SRP54: variants seen among roughly 807,000 people sequenced by gnomAD.
SRP54 encodes signal recognition particle 54, also known as signal recognition particle subunit SRP54.
A neutral mutation model predicts 64.8 loss-of-function variants in SRP54; 10 were observed. The ratio of observed to expected loss-of-function variants is 0.15; its 90% CI spans 0.10 to 0.26. The LOEUF (loss-of-function observed/expected upper bound fraction) is 0.26, where lower values mean the gene tolerates loss of function less well. SRP54 is among the 10% of genes least tolerant of loss of function. The pLI, the probability that SRP54 is intolerant of heterozygous loss-of-function variation, is 1.00. For missense variants in SRP54, 325 were observed against 613.7 expected, an observed-to-expected ratio of 0.53 and a Z score of 4.97; for synonymous variants, 193 against 185.6, an observed-to-expected ratio of 1.04 and a Z score of -0.32.
chr14:34,997,624 AC>A (rs1377937359), intron 2 of SRP54, among the ~76,000 whole-genome samples: 2 of 152,336 alleles, frequency 1.3e-5, no homozygotes, highest in East Asian at 1.9e-4. Context: ...TAGAAAACTT[AC>A]GTAGAATTCT....
At chr14:34,989,664 A>G (rs1208615512) in intron 1 of SRP54, among the ~76,000 whole-genome samples, 2 of 152,158 alleles carry the variant, frequency 1.3e-5, no homozygotes, top group Non-Finnish European at 1.5e-5. Flanking sequence ...AATTGCCACT[A>G]AATTTTAAAG....
At chr14:35,008,559 CAG>C (rs931863321) in intron 5 of SRP54, 66 bp from the exon 6 acceptor site, 213 of 1,075,718 alleles carry the variant, frequency 2.0e-4, no homozygotes, top group Non-Finnish European at 2.5e-4. Context: ...TAAGGAAAAA[CAG>C]AAAAAATTAT....
chr14:35,022,888 G>A, intron 13 of SRP54, 22 bp from the exon 14 acceptor site: 2 of 1,576,580 alleles, frequency 1.3e-6, no homozygotes, highest in African/African-American at 2.7e-5. Flanking sequence ...TTGTGTGTGA[G>A]AGTAACTGAC....
At chr14:35,019,518 A>G (rs1325720106) in intron 13 of SRP54, 1 of 153,416 alleles carries the variant, frequency 6.5e-6, no homozygotes, top group Admixed American at 6.5e-5. Flanking sequence ...CCCTGCCTCT[A>G]TGAAAAAAAA....
At position 35,013,412 on chromosome 14, in the gene SRP54, G is replaced by T. The variant is rs1397184907; in HGVS notation, c.703G>T (p.Ala235Ser). The T allele has an allele frequency of 4.3e-6, 7 of 1,614,186 alleles. No homozygotes were observed. Among genetic ancestry groups the T allele is most frequent in the Non-Finnish European group, 5.9e-6 (7 of 1,180,012 alleles). Residue 235 changes from alanine to serine, a missense_variant, in exon 9 of 16, where the codon GCT becomes TCT. By Grantham distance (99) the Ala-to-Ser change is moderately conservative. Coordinates refer to ENST00000216774, the MANE Select transcript of SRP54 (RefSeq NM_003136.4). ...GCAGGCTTGTGAAGCCCAGGCTAAG[G>T]CTTTTAAAGATAAAGTAGATGTAGC... ...IGQACEAQAK[A>S]FKDKVDVASV...
At chr14:35,016,023 TTA>T (rs2044432693) in intron 11 of SRP54, among the ~76,000 whole-genome samples, 1 of 152,210 alleles carries the variant, frequency 6.6e-6, no homozygotes, top group Non-Finnish European at 1.5e-5. Flanking sequence ...TTGGGTGTCA[TTA>T]TTATTTCTTC....
At chr14:34,997,648 G>T (rs556684322) in intron 2 of SRP54, among the ~76,000 whole-genome samples, 1 of 152,278 alleles carries the variant, frequency 6.6e-6, no homozygotes, top group African/African-American at 2.4e-5. Context: ...CATGGAATTT[G>T]ATCTCAATAC....
At chr14:35,006,297 G>T (rs2044256781) in intron 4 of SRP54, among the ~76,000 whole-genome samples, 1 of 152,078 alleles carries the variant, frequency 6.6e-6, no homozygotes, top group Non-Finnish European at 1.5e-5. Context: ...GTTTGACCTG[G>T]AAAATCTTTC....
chr14:35,002,076 C>T (rs540103266), intron 4 of SRP54, among the ~76,000 whole-genome samples: 8 of 151,936 alleles, frequency 5.3e-5, no homozygotes, highest in Non-Finnish European at 7.4e-5. Context: ...TGGTGCAGGC[C>T]GGGTGCAGTG....
At chr14:34,990,070 C>T (rs187646231) in intron 1 of SRP54, among the ~76,000 whole-genome samples, 1 of 152,180 alleles carries the variant, frequency 6.6e-6, no homozygotes, top group African/African-American at 2.4e-5. Context: ...GATACTTGGC[C>T]CTGTGATTGC....
intron 1 of SRP54, among the ~76,000 whole-genome samples, chr14:34,995,399 A>G (rs1391998774): frequency 6.6e-6 from 1 of 152,042 alleles, no homozygotes; most frequent in Non-Finnish European, 1.5e-5. Context: ...CTTGAGACCC[A>G]CAAAGAACCA....
rs2044394435 is a variant in SRP54, at chr14:35,013,882, C to T, written c.866C>T (p.Pro289Leu). The change falls in exon 10 of 16, where the codon CCT becomes CTT. Residue 289 changes from proline to leucine, a missense_variant. Around this residue, in one of 3 missense-constraint regions of SRP54, gnomAD observed 146 missense variants for 337.4 expected, o/e 0.43. Transcript: ENST00000216774. The part of the protein sequence containing the change: ...IDDFEPFKTQ[P>L]FISKLLGMGD... ...GACTTTGAACCTTTCAAAACACAGC[C>T]TTTTATTAGCAAACTTCTTGGTATG... The T allele has an allele frequency of 6.2e-7, 1 of 1,613,166 alleles. No homozygotes were observed. Among genetic ancestry groups the T allele is most frequent in the Non-Finnish European group, 8.5e-7 (1 of 1,179,328 alleles).
intron 1 of SRP54, among the ~76,000 whole-genome samples, chr14:34,984,663 A>C (rs1322341737): frequency 6.6e-6 from 1 of 152,036 alleles, no homozygotes; most frequent in Non-Finnish European, 1.5e-5. Context: ...CACCACGCCC[A>C]GCTAATTTTT....
intron 8 of SRP54, among the ~76,000 whole-genome samples, chr14:35,012,261 G>T: frequency 1.3e-5 from 2 of 149,900 alleles, no homozygotes; most frequent in Non-Finnish European, 1.5e-5. Context: ...TTTAGTTTCT[G>T]TTGAATTTCC....
chr14:35,022,357 T>C, intron 13 of SRP54, among the ~76,000 whole-genome samples: 1 of 151,830 alleles, frequency 6.6e-6, no homozygotes, highest in East Asian at 1.9e-4. Flanking sequence ...ATATATTCCG[T>C]ATTTTCTTTT....
chr14:35,028,192 C>G lies in SRP54; in HGVS notation c.1423+9C>G, dbSNP rs377169019. ...GGTTCTTCATCACATGGGTAAATAC[C>G]AAGTTGTTGGCAGTTGCTAATGCAG... On this transcript the variant is annotated intron_variant, in intron 15 of 15. Coordinates refer to ENST00000216774, the MANE Select transcript of SRP54 (RefSeq NM_003136.4). 7.8e-5 allele frequency: 122 copies of G among 1,571,876 alleles called. No homozygotes were observed. Among genetic ancestry groups the G allele is most frequent in the Non-Finnish European group, 9.3e-5 (107 of 1,152,792 alleles).
intron 1 of SRP54, among the ~76,000 whole-genome samples, chr14:34,986,272 A>G (rs1488239207): frequency 1.3e-5 from 2 of 152,232 alleles, no homozygotes; most frequent in Non-Finnish European, 2.9e-5. Flanking sequence ...ATAATTGAAT[A>G]TAATCTTTGG....
At position 35,023,058 on chromosome 14, in the gene SRP54, A is replaced by C; in HGVS notation, c.1305A>C (p.Gly435=). The C allele has an allele frequency of 6.2e-7, 1 of 1,609,298 alleles. No individual in the cohort carries two copies. Among genetic ancestry groups the C allele is most frequent in the Non-Finnish European group, 8.5e-7 (1 of 1,177,644 alleles). Reference sequence around the variant, plus strand: ...TTGCACAGATGGTAAAAAAGATGGGAGGTATCAAAGGACTTTTCAAAGGTA... The same window carrying C: ...TTGCACAGATGGTAAAAAAGATGGGCGGTATCAAAGGACTTTTCAAAGGTA... ...TKFAQMVKKM[G]GIKGLFKGGD... The change falls in exon 14 of 16, where the codon GGA becomes GGC. Residue 435 remains glycine (G), a synonymous_variant. Transcript: ENST00000216774.
At chr14:34,989,117 G>A in intron 1 of SRP54, among the ~76,000 whole-genome samples, 1 of 152,122 alleles carries the variant, frequency 6.6e-6, no homozygotes, top group East Asian at 1.9e-4. Context: ...GATACAGAAG[G>A]CTGACTGTAC....
Sources: allele counts gnomAD v4.1 joint callset (sites outside exome capture counted in the v4.1 genomes callset), GRCh38; gene constraint gnomAD v4.1.1; regional missense constraint gnomAD v4.1.1; transcripts MANE v1.5; gene names NCBI Gene and HGNC (gene_info 2026-07-23, HGNC 2026-07-21).